FSTL5: variants seen among roughly 807,000 people sequenced by gnomAD.
FSTL5 encodes follistatin-related protein 5.
FSTL5 carries 62 observed loss-of-function variants against 89.1 expected under a neutral mutation model. The ratio of observed to expected loss-of-function variants is 0.70; its 90% CI spans 0.57 to 0.86. The LOEUF (loss-of-function observed/expected upper bound fraction) is 0.86, where lower values mean the gene tolerates loss of function less well. Ranked by LOEUF, FSTL5 falls within the 40% of genes least tolerant of loss-of-function variation. The probability of loss-of-function intolerance (pLI) is 0.00; values close to 1 mark genes in which losing one functional copy is unlikely to be tolerated. For missense variants in FSTL5, 1,057 were observed against 1,001.6 expected (o/e 1.06, Z -0.75); for synonymous variants, 383 against 346.2 (o/e 1.11, Z -1.18).
chr4:161,933,364 A>G (rs1734344415), intron 3 of FSTL5, among the ~76,000 whole-genome samples: 2 of 152,112 alleles, frequency 1.3e-5, no homozygotes, highest in African/African-American at 4.8e-5. Flanking sequence ...GTTGTGTTAT[A>G]AAAGTCTCTA....
intron 2 of FSTL5, among the ~76,000 whole-genome samples, chr4:162,056,278 C>G (rs1247293315): frequency 6.6e-6 from 1 of 151,924 alleles, no homozygotes; most frequent in Non-Finnish European, 1.5e-5. Flanking sequence ...AAGAAAGAAA[C>G]TAGAATCAAT....
chr4:161,555,580 C>T (rs1358853963), intron 8 of FSTL5, among the ~76,000 whole-genome samples: 1 of 151,492 alleles, frequency 6.6e-6, no homozygotes, highest in Non-Finnish European at 1.5e-5. Flanking sequence ...ACAGTAACCT[C>T]CTCCTAAGCA....
chr4:161,705,536 C>T (rs889755730), intron 6 of FSTL5, among the ~76,000 whole-genome samples: 3 of 151,870 alleles, frequency 2.0e-5, no homozygotes, highest in African/African-American at 7.2e-5. Context: ...ATTAGAAAAC[C>T]ATTAAGGAAA....
intron 5 of FSTL5, among the ~76,000 whole-genome samples, chr4:161,763,443 CA>C (rs933998625): frequency 2.0e-5 from 3 of 152,024 alleles, no homozygotes; most frequent in Non-Finnish European, 4.4e-5. Flanking sequence ...TTTGGAAGTA[CA>C]AGATTTTTAT....
intron 13 of FSTL5, among the ~76,000 whole-genome samples, chr4:161,459,975 G>A (rs1032305381): frequency 2.0e-5 from 3 of 150,862 alleles, no homozygotes; most frequent in Admixed American, 1.3e-4. Flanking sequence ...ATAATATTTA[G>A]CATTTACTTA....
chr4:161,906,735 C>T (rs1399675225), intron 4 of FSTL5, among the ~76,000 whole-genome samples: 4 of 152,054 alleles, frequency 2.6e-5, no homozygotes, highest in South Asian at 4.1e-4. Flanking sequence ...ATTGCTTATA[C>T]GATAATGTCC....
At chr4:161,782,947 C>T (rs1741722576) in intron 4 of FSTL5, among the ~76,000 whole-genome samples, 1 of 152,116 alleles carries the variant, frequency 6.6e-6, no homozygotes, top group Non-Finnish European at 1.5e-5. Flanking sequence ...CAATTATATT[C>T]ATCAAATACA....
intron 1 of FSTL5, among the ~76,000 whole-genome samples, 151 bp downstream of exon 1, chr4:162,163,464 A>AT (rs1162499190): frequency 6.6e-5 from 9 of 137,270 alleles, no homozygotes; most frequent in Non-Finnish European, 9.7e-5. Context: ...AATAATAATA[A>AT]TAATAGTAAT....
intron 2 of FSTL5, among the ~76,000 whole-genome samples, chr4:162,043,029 T>C (rs1222817284): frequency 6.6e-6 from 1 of 151,670 alleles, no homozygotes; most frequent in Admixed American, 6.6e-5. Flanking sequence ...CGCACCAGCA[T>C]GGCACATGTA....
intron 2 of FSTL5, among the ~76,000 whole-genome samples, chr4:162,098,447 T>G (rs1006483557): frequency 2.6e-5 from 4 of 152,024 alleles, no homozygotes; most frequent in African/African-American, 9.6e-5. Context: ...ACTCAGAGAA[T>G]ACGCATGTAA....
At chr4:162,000,686 G>T (rs528156287) in intron 3 of FSTL5, among the ~76,000 whole-genome samples, 3 of 152,028 alleles carry the variant, frequency 2.0e-5, no homozygotes, top group African/African-American at 7.2e-5. Context: ...TCAGATAATT[G>T]TGCAAAATTA....
intron 2 of FSTL5, among the ~76,000 whole-genome samples, chr4:162,084,819 T>C (rs139371795): frequency 1.5e-3 from 232 of 152,196 alleles, no homozygotes; most frequent in African/African-American, 5.3e-3. Context: ...AAATACCTAA[T>C]GTACATGATG....
chr4:161,992,701 G>T (rs1736146525), intron 3 of FSTL5, among the ~76,000 whole-genome samples: 1 of 150,916 alleles, frequency 6.6e-6, no homozygotes, highest in Non-Finnish European at 1.5e-5. Flanking sequence ...AAAATTAGCT[G>T]GGAGTGGTGG....
chr4:161,432,728 G>A (rs1044123134), intron 15 of FSTL5, among the ~76,000 whole-genome samples: 26 of 151,684 alleles, frequency 1.7e-4, no homozygotes, highest in African/African-American at 6.3e-4. Flanking sequence ...AATACAATCA[G>A]AGATTTAAAA....
At chr4:161,514,779 T>G (rs1730759746) in intron 10 of FSTL5, among the ~76,000 whole-genome samples, 1 of 152,018 alleles carries the variant, frequency 6.6e-6, no homozygotes, top group Non-Finnish European at 1.5e-5. Context: ...GTAAAATCAG[T>G]CCCAAAAGAT....
chr4:162,029,693 A>G (rs1394635216), intron 3 of FSTL5, among the ~76,000 whole-genome samples: 2 of 152,110 alleles, frequency 1.3e-5, no homozygotes, highest in Non-Finnish European at 1.5e-5. Flanking sequence ...AACAGTAATT[A>G]TGTAAATTTG....
At chr4:161,831,317 T>C (rs868627536) in intron 4 of FSTL5, among the ~76,000 whole-genome samples, 16 of 151,996 alleles carry the variant, frequency 1.1e-4, no homozygotes, top group Middle Eastern at 3.2e-3. Context: ...TCTTTGGATA[T>C]TTAAATTTTA....
chr4:161,653,151 A>G (rs1736399658), intron 7 of FSTL5, among the ~76,000 whole-genome samples: 1 of 152,206 alleles, frequency 6.6e-6, no homozygotes, highest in South Asian at 2.1e-4. Context: ...AAATTTAATA[A>G]AGACTATTAG....
At chr4:161,795,323 T>C (rs1177891933) in intron 4 of FSTL5, among the ~76,000 whole-genome samples, 1 of 152,152 alleles carries the variant, frequency 6.6e-6, no homozygotes, top group Non-Finnish European at 1.5e-5. Context: ...AAAATGGCAC[T>C]AAATTATCTG....
Sources: allele counts gnomAD v4.1 joint callset (sites outside exome capture counted in the v4.1 genomes callset), GRCh38; gene constraint gnomAD v4.1.1; transcripts MANE v1.5; gene names NCBI Gene and HGNC (gene_info 2026-07-23, HGNC 2026-07-21).